KCNMA1: variants seen among roughly 807,000 people sequenced by gnomAD.
KCNMA1 encodes the protein potassium calcium-activated channel subfamily M alpha 1, also known as Calcium-activated potassium channel subunit alpha-1.
In KCNMA1, 29 loss-of-function variants were observed where a neutral mutation model predicts 140.0. The observed-to-expected ratio is 0.21, with a 90% CI of 0.15 to 0.28. The LOEUF is 0.28. Among genes scored for constraint, KCNMA1 ranks in the 10% least tolerant of loss-of-function variants. The pLI, the probability that KCNMA1 is intolerant of heterozygous loss-of-function variation, is 1.00. For missense variants in KCNMA1, 880 were observed against 1,602.2 expected (o/e 0.55, Z 7.70); for synonymous variants, 612 against 611.9 (o/e 1.00, Z 0.00).
chr10:77,256,268 G>A (rs956928139), intron 2 of KCNMA1, among the ~76,000 whole-genome samples: 16 of 152,184 alleles, frequency 1.1e-4, no homozygotes, highest in Non-Finnish European at 2.4e-4. Context: ...CAGCGGGTGT[G>A]TGAGGCTTCA....
At chr10:77,397,878 G>A (rs1163981042) in intron 2 of KCNMA1, among the ~76,000 whole-genome samples, 2 of 151,964 alleles carry the variant, frequency 1.3e-5, no homozygotes, top group African/African-American at 2.4e-5. Context: ...ATTTGACTTC[G>A]TTTCTGAGTT....
At chr10:77,015,170 G>T (rs139584504) in intron 17 of KCNMA1, among the ~76,000 whole-genome samples, 88 of 152,274 alleles carry the variant, frequency 5.8e-4, no homozygotes, top group African/African-American at 2.1e-3. Context: ...AGGCTGGCCT[G>T]TATGGTCTCC....
chr10:77,544,400 T>C (rs1287422027), intron 1 of KCNMA1, among the ~76,000 whole-genome samples: 1 of 152,178 alleles, frequency 6.6e-6, no homozygotes, highest in Non-Finnish European at 1.5e-5. Flanking sequence ...ATCTGATTCC[T>C]GAATCTCCAA....
chr10:77,335,935 C>T (rs2088765040), intron 2 of KCNMA1, among the ~76,000 whole-genome samples: 1 of 152,134 alleles, frequency 6.6e-6, no homozygotes, highest in Non-Finnish European at 1.5e-5. Flanking sequence ...CCTCCATTTC[C>T]ACTCCACCAA....
At chr10:76,909,470 G>A (rs1429540309) in intron 25 of KCNMA1, among the ~76,000 whole-genome samples, 1 of 152,092 alleles carries the variant, frequency 6.6e-6, no homozygotes, top group Non-Finnish European at 1.5e-5. Flanking sequence ...CCAAAACCAT[G>A]AAAATGTGTT....
intron 9 of KCNMA1, among the ~76,000 whole-genome samples, chr10:77,100,217 G>A (rs2097061970): frequency 6.6e-6 from 1 of 152,130 alleles, no homozygotes; most frequent in Admixed American, 6.5e-5. Flanking sequence ...ATTGTTTGTT[G>A]AGCCAATATG....
intron 1 of KCNMA1, among the ~76,000 whole-genome samples, chr10:77,572,580 AT>A (rs2071947565): frequency 1.2e-5 from 1 of 86,436 alleles, no homozygotes; most frequent in Admixed American, 1.3e-4. Flanking sequence ...ATATATATAT[AT>A]ATATATATAT....
intron 1 of KCNMA1, chr10:77,635,711 G>A (rs1028209843): frequency 6.6e-6 from 1 of 152,264 alleles, no homozygotes; most frequent in African/African-American, 2.4e-5. Context: ...AAACCTCTAC[G>A]GCTGAGAAGG....
chr10:76,908,680 C>T (rs896378057), intron 25 of KCNMA1, among the ~76,000 whole-genome samples: 12 of 152,256 alleles, frequency 7.9e-5, no homozygotes, highest in Admixed American at 3.9e-4. Context: ...AAGAAATATA[C>T]GTGTGTAAAA....
chr10:77,070,900 C>T (rs1427193042), intron 14 of KCNMA1, among the ~76,000 whole-genome samples: 1 of 152,180 alleles, frequency 6.6e-6, no homozygotes, highest in Non-Finnish European at 1.5e-5. Flanking sequence ...GAGGGGAAGG[C>T]TTGTGATTTC....
intron 20 of KCNMA1, among the ~76,000 whole-genome samples, chr10:76,965,509 C>T (rs927328164): frequency 2.6e-5 from 4 of 152,148 alleles, no homozygotes; most frequent in Non-Finnish European, 4.4e-5. Flanking sequence ...ACCGCCTCCT[C>T]GAAAACCTTC....
At chr10:77,233,958 T>G (rs951913231) in intron 3 of KCNMA1, among the ~76,000 whole-genome samples, 1 of 152,192 alleles carries the variant, frequency 6.6e-6, no homozygotes, top group Non-Finnish European at 1.5e-5. Context: ...TACAATAAAT[T>G]AGAACAGTAT....
Position 77,337,203 on chromosome 10 carries a change from C to G in KCNMA1, c.540+66659G>C, listed in dbSNP as rs538054988. On this transcript the variant is annotated intron_variant, in intron 2 of 27. Transcript: ENST00000286628. Reference sequence around the variant, plus strand: ...ATCCTCAATAAGTATTTGTAGTTCCCTCATTCAACAGGATCTTGTCCCTAA... The same window carrying G: ...ATCCTCAATAAGTATTTGTAGTTCCGTCATTCAACAGGATCTTGTCCCTAA... Among the ~76,000 whole-genome samples the G allele has an allele frequency of 2.6e-5, 4 of 152,322 alleles. No individual in the cohort carries two copies. The South Asian group carries it at 8.3e-4, about 32-fold the overall frequency.
chr10:77,017,902 A>G (rs766357137), intron 17 of KCNMA1, among the ~76,000 whole-genome samples: 2 of 152,192 alleles, frequency 1.3e-5, no homozygotes, highest in Non-Finnish European at 2.9e-5. Context: ...TTTTAGATAC[A>G]GAGAACCTAG....
chr10:77,541,876 A>C (rs2060259296), intron 1 of KCNMA1, among the ~76,000 whole-genome samples: 1 of 152,178 alleles, frequency 6.6e-6, no homozygotes, highest in Non-Finnish European at 1.5e-5. Flanking sequence ...GTGCAGCCAG[A>C]GTTGAGAACA....
At position 77,001,455 on chromosome 10, in the gene KCNMA1, G is replaced by A. The variant is rs2086413864; in HGVS notation, c.2218C>T (p.Pro740Ser). ...TCATTAACAGAGACAGAAGAAAGTGGGAAGGCTCTCTCAAGGGTGTCCACG... is the reference window on the plus strand; with the variant it reads ...TCATTAACAGAGACAGAAGAAAGTGAGAAGGCTCTCTCAAGGGTGTCCACG... ...GNVDTLERAFPLSSVSVNDCS... is the reference protein window; with the variant it reads ...GNVDTLERAFSLSSVSVNDCS... Residue 740 changes from proline to serine, a missense_variant, in exon 19 of 28, where the codon CCA (proline) becomes TCA (serine). Transcript: ENST00000286628. The A allele has an allele frequency of 6.4e-7, 1 of 1,551,756 alleles. No homozygotes were observed. Among genetic ancestry groups the A allele is most frequent in the South Asian group, 1.2e-5 (1 of 84,058 alleles).
At chr10:77,039,316 C>A in intron 15 of KCNMA1, 2 of 617,220 alleles carry the variant, frequency 3.2e-6, no homozygotes, top group Admixed American at 5.2e-5. Context: ...GACTCTCAGG[C>A]CTGTCAAGAA....
At chr10:76,905,125 G>C (rs1157381670) in intron 25 of KCNMA1, 1 of 152,188 alleles carries the variant, frequency 6.6e-6, no homozygotes, top group Non-Finnish European at 1.5e-5. Context: ...ATAAAAACTT[G>C]ATAAATGCAG....
chr10:77,291,173 A>G (rs954823020), intron 2 of KCNMA1, among the ~76,000 whole-genome samples: 4 of 152,166 alleles, frequency 2.6e-5, no homozygotes, highest in Non-Finnish European at 5.9e-5. Flanking sequence ...CTGCAAGTCA[A>G]TTGAAGTAAC....
Sources: allele counts gnomAD v4.1 joint callset (sites outside exome capture counted in the v4.1 genomes callset), GRCh38; gene constraint gnomAD v4.1.1; transcripts MANE v1.5; gene names NCBI Gene and HGNC (gene_info 2026-07-23, HGNC 2026-07-21).